The following ASH1L variants were observed in gnomAD, a reference collection of about 807,000 sequenced individuals.
ASH1L encodes the protein histone-lysine N-methyltransferase ASH1L.
ASH1L carries 23 observed loss-of-function variants against 269.0 expected under a neutral mutation model. The observed-to-expected ratio is 0.09, with a 90% confidence interval of 0.06 to 0.12. The LOEUF (loss-of-function observed/expected upper bound fraction) is 0.12, where lower values mean the gene tolerates loss of function less well. Ranked by LOEUF, ASH1L falls within the 10% of genes least tolerant of loss-of-function variation. ASH1L has a pLI of 1.00. For synonymous variants in ASH1L, 1,187 were observed against 1,253.5 expected, an observed-to-expected ratio of 0.95 and a Z score of 1.12; for missense variants, 2,912 against 3,567.8, an observed-to-expected ratio of 0.82 and a Z score of 4.68.
At chr1:155,492,382 G>A (rs372474775) in intron 2 of ASH1L, among the ~76,000 whole-genome samples, 5 of 152,132 alleles carry the variant, frequency 3.3e-5, no homozygotes, top group African/African-American at 1.2e-4. Flanking sequence ...CCTTCTAGAC[G>A]ACAATCTTCA....
At chr1:155,354,304 A>G (rs1654180449) in intron 16 of ASH1L, among the ~76,000 whole-genome samples, 169 bp downstream of exon 16, 1 of 152,214 alleles carries the variant, frequency 6.6e-6, no homozygotes, top group Non-Finnish European at 1.5e-5. Flanking sequence ...TTAGCCGGGC[A>G]TGGTGGCGGG....
chr1:155,415,571 A>C (rs989480221), intron 6 of ASH1L, among the ~76,000 whole-genome samples, 173 bp downstream of exon 6: 3 of 152,144 alleles, frequency 2.0e-5, no homozygotes, highest in Non-Finnish European at 2.9e-5. Flanking sequence ...CAGAAAGGGT[A>C]ATGTATTGAC....
At chr1:155,381,867 C>T (rs1248572696) in intron 7 of ASH1L, among the ~76,000 whole-genome samples, 1 of 151,456 alleles carries the variant, frequency 6.6e-6, no homozygotes, top group Non-Finnish European at 1.5e-5. Context: ...GCCTAGGCAA[C>T]AGAGTGAGAC....
chr1:155,517,863 G>C (rs61089361), intron 2 of ASH1L, among the ~76,000 whole-genome samples: 2 of 142,328 alleles, frequency 1.4e-5, no homozygotes, highest in Non-Finnish European at 1.5e-5. Flanking sequence ...TGCAGTGGCG[G>C]GATCTCGGCT....
intron 4 of ASH1L, among the ~76,000 whole-genome samples, chr1:155,456,343 C>T (rs1052441952): frequency 1.3e-5 from 2 of 152,142 alleles, no homozygotes; most frequent in Non-Finnish European, 2.9e-5. Flanking sequence ...CAAACTTTCA[C>T]ATTCTCAGAC....
chr1:155,468,223 TTATTA>T (rs1214325415), intron 3 of ASH1L, among the ~76,000 whole-genome samples: 7 of 32,060 alleles, frequency 2.2e-4, no homozygotes, highest in African/African-American at 3.6e-4. Flanking sequence ...CCCTTTATTA[TTATTA>T]TTATTTTTTT....
At chr1:155,494,856 A>G (rs1382302239) in intron 2 of ASH1L, among the ~76,000 whole-genome samples, 2 of 152,196 alleles carry the variant, frequency 1.3e-5, no homozygotes, top group Non-Finnish European at 2.9e-5. Flanking sequence ...CGAACAGTAA[A>G]CTAAGGACTG....
At chr1:155,505,777 C>T (rs1373049920) in intron 2 of ASH1L, among the ~76,000 whole-genome samples, 2 of 152,056 alleles carry the variant, frequency 1.3e-5, no homozygotes, top group Admixed American at 1.3e-4. Context: ...ACTGGGCTAA[C>T]TTAAAATAGG....
chr1:155,441,388 C>T (rs911449884), intron 4 of ASH1L, among the ~76,000 whole-genome samples: 6 of 148,676 alleles, frequency 4.0e-5, no homozygotes, highest in African/African-American at 1.5e-4. Flanking sequence ...GCATACTGGC[C>T]AACAGATCCT....
intron 12 of ASH1L, among the ~76,000 whole-genome samples, chr1:155,368,549 G>A (rs1008276794): frequency 2.0e-5 from 3 of 151,456 alleles, no homozygotes; most frequent in Non-Finnish European, 2.9e-5. Context: ...CCTCCGCCTC[G>A]CGGGTTCAAG....
intron 1 of ASH1L, among the ~76,000 whole-genome samples, chr1:155,534,715 A>T (rs574319224): frequency 1.3e-5 from 2 of 152,302 alleles, no homozygotes; most frequent in Non-Finnish European, 1.5e-5. Context: ...AAATATATGT[A>T]TATGCTATAT....
chr1:155,416,027 A>AAGGAAGTCCCCATATCTC, intron 5 of ASH1L, 104 bp from the exon 6 acceptor site: 1 of 919,848 alleles, frequency 1.1e-6, no homozygotes, highest in Non-Finnish European at 1.6e-6. Context: ...AAAAAGAGAT[A>AAGGAAGTCCCCATATCTC]TGGGGACTTC....
intron 16 of ASH1L, 99 bp from the exon 17 acceptor site, chr1:155,352,957 G>T: frequency 8.6e-7 from 1 of 1,165,284 alleles, no homozygotes; most frequent in Non-Finnish European, 1.2e-6. Context: ...ATTTTCCCCT[G>T]AAGTGATTAG....
At chr1:155,453,781 A>G (rs1036160243) in intron 4 of ASH1L, among the ~76,000 whole-genome samples, 2 of 150,514 alleles carry the variant, frequency 1.3e-5, no homozygotes, top group Admixed American at 1.3e-4. Context: ...CCTGGGCAAC[A>G]GAGGGAGACT....
At chr1:155,497,627 G>T (rs957513869) in intron 2 of ASH1L, among the ~76,000 whole-genome samples, 2 of 152,138 alleles carry the variant, frequency 1.3e-5, no homozygotes, top group African/African-American at 4.8e-5. Flanking sequence ...TTACGTTCTG[G>T]GGGAGTCAAA....
intron 7 of ASH1L, among the ~76,000 whole-genome samples, chr1:155,388,947 G>A (rs989598314): frequency 6.6e-6 from 1 of 150,388 alleles, no homozygotes; most frequent in Non-Finnish European, 1.5e-5. Flanking sequence ...GGCCTCAAGC[G>A]ATCTTCTCTC....
intron 3 of ASH1L, among the ~76,000 whole-genome samples, chr1:155,469,343 C>T (rs116829660): frequency 0.021 from 3,133 of 152,100 alleles, 103 homozygotes; most frequent in African/African-American, 0.072. Flanking sequence ...CCACCACGTC[C>T]GGCTATTATT....
intron 1 of ASH1L, among the ~76,000 whole-genome samples, chr1:155,554,418 G>T (rs1671440188): frequency 6.6e-6 from 1 of 152,050 alleles, no homozygotes; most frequent in Non-Finnish European, 1.5e-5. Context: ...GATTAAAGGC[G>T]TGTGCCCCCA....
At chr1:155,364,426 T>C (rs1028314805) in intron 12 of ASH1L, among the ~76,000 whole-genome samples, 5 of 152,140 alleles carry the variant, frequency 3.3e-5, no homozygotes, top group African/African-American at 1.2e-4. Context: ...TTATACCAAT[T>C]TACACTTCTA....
Sources: allele counts gnomAD v4.1 joint callset (sites outside exome capture counted in the v4.1 genomes callset), GRCh38; gene constraint gnomAD v4.1.1; transcripts MANE v1.5; gene names NCBI Gene and HGNC (gene_info 2026-07-23, HGNC 2026-07-21).